Variants in MAGI2 observed in about 807,000 individuals in gnomAD.
MAGI2 encodes the protein membrane-associated guanylate kinase, WW and PDZ domain-containing protein 2.
MAGI2 carries 35 observed loss-of-function variants against 133.3 expected under a neutral mutation model. The observed-to-expected ratio is 0.26, with a 90% confidence interval of 0.20 to 0.35. The LOEUF is 0.35. Among genes scored for constraint, MAGI2 ranks in the 10% least tolerant of loss-of-function variants. The probability of loss-of-function intolerance (pLI) is 1.00; values close to 1 mark genes in which losing one functional copy is unlikely to be tolerated. For synonymous variants in MAGI2, 729 were observed against 710.6 expected (o/e 1.03, Z -0.41); for missense variants, 1,636 against 1,863.4 (o/e 0.88, Z 2.25).
chr7:78,957,656 A>T (rs1802498957), intron 2 of MAGI2, among the ~76,000 whole-genome samples: 3 of 152,180 alleles, frequency 2.0e-5, no homozygotes, highest in Non-Finnish European at 4.4e-5. Context: ...AGATAAATTC[A>T]GTTATAATTT....
intron 2 of MAGI2, among the ~76,000 whole-genome samples, chr7:78,968,605 A>G (rs1803523732): frequency 1.3e-5 from 2 of 152,024 alleles, no homozygotes; most frequent in South Asian, 4.1e-4. Context: ...ATAGTATAGC[A>G]CTTTTCAGCT....
intron 2 of MAGI2, among the ~76,000 whole-genome samples, chr7:78,844,546 G>T (rs1792426742): frequency 6.6e-6 from 1 of 151,868 alleles, no homozygotes; most frequent in Non-Finnish European, 1.5e-5. Context: ...ATTATGTTAA[G>T]TGAAACCATA....
chr7:79,391,009 A>G (rs1203455032), intron 1 of MAGI2, among the ~76,000 whole-genome samples: 1 of 152,156 alleles, frequency 6.6e-6, no homozygotes, highest in Non-Finnish European at 1.5e-5. Flanking sequence ...AGAGTGAGGA[A>G]AGCGTGGAAC....
chr7:78,890,259 C>A (rs984234193), intron 2 of MAGI2, among the ~76,000 whole-genome samples: 2 of 152,146 alleles, frequency 1.3e-5, no homozygotes, highest in Admixed American at 6.6e-5. Context: ...GAGACTTAGA[C>A]AACCACACAA....
At chr7:78,418,962 G>A (rs1288515151) in intron 6 of MAGI2, among the ~76,000 whole-genome samples, 2 of 152,144 alleles carry the variant, frequency 1.3e-5, no homozygotes, top group Non-Finnish European at 2.9e-5. Flanking sequence ...GAGGAGGTCA[G>A]CAAGAAATTG....
chr7:78,672,622 GT>G (rs1268601374), intron 2 of MAGI2, among the ~76,000 whole-genome samples: 1 of 152,194 alleles, frequency 6.6e-6, no homozygotes, highest in Non-Finnish European at 1.5e-5. Context: ...CTCCACAGTT[GT>G]TTTTAGGAAA....
intron 1 of MAGI2, among the ~76,000 whole-genome samples, chr7:79,093,749 T>C (rs1201966719): frequency 6.6e-6 from 1 of 150,958 alleles, no homozygotes; most frequent in Admixed American, 6.6e-5. Context: ...AGTTTTGTTC[T>C]TGTTGCCCAG....
intron 2 of MAGI2, among the ~76,000 whole-genome samples, chr7:78,849,266 C>T (rs1792914166): frequency 6.6e-6 from 1 of 151,956 alleles, no homozygotes. Flanking sequence ...AATACAAGTA[C>T]TCAGGATGCA....
chr7:79,450,003 A>G (rs1054923387), intron 1 of MAGI2, among the ~76,000 whole-genome samples: 2 of 151,312 alleles, frequency 1.3e-5, no homozygotes, highest in African/African-American at 4.8e-5. Flanking sequence ...ACAAGTAAAT[A>G]AAATTAAGTA....
chr7:78,805,224 T>C lies in MAGI2; in HGVS notation c.419-177985A>G, dbSNP rs1420805414. 2.0e-5 allele frequency among the ~76,000 whole-genome samples: 3 copies of C among 151,490 alleles called. No individual in the cohort carries two copies. The South Asian group carries it at 6.2e-4, about 31-fold the overall frequency. ...ATTTTGTATTAAATGCATTTACTAA[T>C]TAGTTTCACCTTGTACTTTTTGAAG... On this transcript the variant is annotated intron_variant, in intron 2 of 21. Transcript: ENST00000354212.
chr7:78,490,562 T>C (rs1264270476), intron 5 of MAGI2, among the ~76,000 whole-genome samples: 1 of 152,064 alleles, frequency 6.6e-6, no homozygotes, highest in Admixed American at 6.6e-5. Context: ...TAAAGTAGTG[T>C]TTTTTAAAGT....
intron 6 of MAGI2, among the ~76,000 whole-genome samples, chr7:78,463,156 G>C (rs1386714513): frequency 6.6e-6 from 1 of 152,226 alleles, no homozygotes. Context: ...CTCTGAAAGA[G>C]AGCATCTATA....
chr7:78,701,885 T>G (rs1356194536), intron 2 of MAGI2, among the ~76,000 whole-genome samples: 1 of 151,978 alleles, frequency 6.6e-6, no homozygotes, highest in Non-Finnish European at 1.5e-5. Flanking sequence ...AGAACTAACT[T>G]TTTGGAATTT....
intron 2 of MAGI2, among the ~76,000 whole-genome samples, chr7:78,782,782 T>G (rs1826500361): frequency 6.6e-6 from 1 of 152,100 alleles, no homozygotes; most frequent in South Asian, 2.1e-4. Context: ...AGCTTTTTTG[T>G]AAACTTTGAC....
intron 2 of MAGI2, among the ~76,000 whole-genome samples, chr7:78,965,026 A>C (rs1423705106): frequency 6.6e-6 from 1 of 151,810 alleles, no homozygotes; most frequent in African/African-American, 2.4e-5. Flanking sequence ...AAAAAAGAGA[A>C]ATCAGTTAGG....
chr7:78,327,581 G>T (rs2151139940), intron 9 of MAGI2, among the ~76,000 whole-genome samples: 1 of 152,306 alleles, frequency 6.6e-6, no homozygotes, highest in African/African-American at 2.4e-5. Flanking sequence ...ATGGAGGCTA[G>T]GGTGAGAGGA....
In MAGI2 at chr7:78,790,445, G is replaced by T. The variant is rs187403505; in HGVS notation, c.419-163206C>A. On this transcript the variant is annotated intron_variant, in intron 2 of 21. Coordinates refer to ENST00000354212, the MANE Select transcript of MAGI2 (RefSeq NM_012301.4). ...GCCTTCCTGGAGTTCAGATTTTTTGGTTTTTGGAGACAGAGTCTCCCTTTG... is the reference window on the plus strand; with the variant it reads ...GCCTTCCTGGAGTTCAGATTTTTTGTTTTTTGGAGACAGAGTCTCCCTTTG... 4.6e-5 allele frequency among the ~76,000 whole-genome samples: 7 copies of T among 152,038 alleles called. No homozygotes were observed. In the East Asian group the frequency reaches 1.4e-3, roughly 30 times the overall value.
chr7:78,556,930 T>TA (rs34425486), intron 3 of MAGI2, among the ~76,000 whole-genome samples: 5 of 149,262 alleles, frequency 3.3e-5, no homozygotes, highest in South Asian at 4.2e-4. Context: ...CTACTAAAAA[T>TA]AAAAAAAAAA....
At chr7:78,057,446 G>A (rs981100768) in intron 21 of MAGI2, among the ~76,000 whole-genome samples, 2 of 152,108 alleles carry the variant, frequency 1.3e-5, no homozygotes, top group Admixed American at 1.3e-4. Flanking sequence ...GTTTCACCAT[G>A]TTGGCCAGGC....
Sources: gnomAD v4.1 joint callset for allele counts (sites outside exome capture counted in the v4.1 genomes callset) on GRCh38, gnomAD v4.1.1 for gene constraint, MANE v1.5 for transcripts, NCBI Gene and HGNC (gene_info 2026-07-23, HGNC 2026-07-21) for gene names.